The following TIAM1 variants were observed in gnomAD, a reference collection of about 807,000 sequenced individuals.
TIAM1 encodes the protein rho guanine nucleotide exchange factor TIAM1.
In TIAM1, 65 loss-of-function variants were observed where a neutral mutation model predicts 163.5. That is an observed-to-expected ratio of 0.40 (90% CI 0.33 to 0.49). The LOEUF (loss-of-function observed/expected upper bound fraction) is 0.49, where lower values mean the gene tolerates loss of function less well. Ranked by LOEUF, TIAM1 falls within the 20% of genes least tolerant of loss-of-function variation. TIAM1 has a pLI of 0.77. For missense variants in TIAM1, 1,789 were observed against 2,044.7 expected (o/e 0.87, Z 2.41); for synonymous variants, 833 against 810.1 (o/e 1.03, Z -0.48).
intron 2 of TIAM1, among the ~76,000 whole-genome samples, chr21:31,392,415 T>A (rs845685): frequency 1 from 152,028 of 152,028 alleles, 76,014 homozygotes; most frequent in Non-Finnish European, 1. Flanking sequence ...TACTAAAAAT[T>A]CAAAATTAGC....
intron 2 of TIAM1, among the ~76,000 whole-genome samples, chr21:31,292,027 G>A (rs1174554571): frequency 2.0e-5 from 3 of 152,218 alleles, no homozygotes; most frequent in Middle Eastern, 6.8e-3. Flanking sequence ...AGCGTGATTG[G>A]TAAATGTAAC....
intron 2 of TIAM1, among the ~76,000 whole-genome samples, chr21:31,391,180 T>A (rs1361610069): frequency 1.3e-5 from 2 of 152,126 alleles, no homozygotes; most frequent in Non-Finnish European, 2.9e-5. Flanking sequence ...CGCTGTTGTG[T>A]CCATAAAACC....
Position 31,251,947 on chromosome 21 carries a change from C to T in TIAM1, c.1206G>A (p.Glu402=), listed in dbSNP as rs542483125. 1 of 1,613,988 alleles carries T rather than the reference C, an allele frequency of 6.2e-7. No individual in the cohort carries two copies. Among genetic ancestry groups the T allele is most frequent in the South Asian group, 1.1e-5 (1 of 91,082 alleles). ...CATCGCTGTGCGCCGAGCCGGCCTCCTCCAGGCTCTCGCTGTTGGTGGTGC... is the reference window on the plus strand; with the variant it reads ...CATCGCTGTGCGCCGAGCCGGCCTCTTCCAGGCTCTCGCTGTTGGTGGTGC... The part of the protein sequence containing the change: ...EMSTTNSESL[E]EAGSAHSDEQ... Residue 402 remains glutamate, a synonymous_variant, in exon 5 of 28, where the codon GAG becomes GAA. Coordinates refer to ENST00000541036, the MANE Select transcript of TIAM1 (RefSeq NM_001353694.2).
In TIAM1 at chr21:31,438,179, C is replaced by CTTTTTTTT. The variant is rs34844399; in HGVS notation, c.-369+25796_-369+25803dup. Among the ~76,000 whole-genome samples the CTTTTTTTT allele has an allele frequency of 4.0e-4, 25 of 62,716 alleles. 2 individuals carry two copies. Among genetic ancestry groups the CTTTTTTTT allele is most frequent in the African/African-American group, 1.5e-3 (21 of 14,286 alleles). 41.1% of individuals were successfully genotyped at this position (62,716 alleles called of 152,430 possible). A position where few individuals can be genotyped will look rare whatever the true frequency, so the allele number is the denominator to read the frequency against. ...ACATATGTAATTGCGTATTTGTGAT[C>CTTTTTTTT]TTTTTTTTTTTTTTTTTTTTTTTTT... On this transcript the variant is annotated intron_variant, in intron 2 of 28. Transcript: ENST00000286827.
intron 6 of TIAM1, among the ~76,000 whole-genome samples, chr21:31,228,882 G>A (rs1461421446): frequency 2.0e-5 from 3 of 152,276 alleles, no homozygotes; most frequent in Middle Eastern, 3.4e-3. Flanking sequence ...TTCTTCTCAC[G>A]GTGGCAGCGA....
intron 1 of TIAM1, among the ~76,000 whole-genome samples, chr21:31,510,396 A>C (rs1320056442): frequency 6.6e-6 from 1 of 152,158 alleles, no homozygotes; most frequent in Non-Finnish European, 1.5e-5. Context: ...CCTCATTTGC[A>C]CTTCATCATC....
chr21:31,293,757 C>T (rs948770411), intron 2 of TIAM1, among the ~76,000 whole-genome samples: 1 of 152,206 alleles, frequency 6.6e-6, no homozygotes, highest in Non-Finnish European at 1.5e-5. Context: ...TATTTCAAGA[C>T]AATTGCAACC....
chr21:31,487,846 C>T (rs1293823811), intron 1 of TIAM1, among the ~76,000 whole-genome samples: 6 of 151,634 alleles, frequency 4.0e-5, no homozygotes, highest in East Asian at 3.9e-4. Context: ...CGTGAGCCAC[C>T]GCGCCCGGCC....
At chr21:31,367,051 A>C (rs2076515961) in intron 2 of TIAM1, among the ~76,000 whole-genome samples, 1 of 151,544 alleles carries the variant, frequency 6.6e-6, no homozygotes, top group South Asian at 2.1e-4. Flanking sequence ...GATGGGTCCC[A>C]GAAAATAGCT....
chr21:31,323,298 A>G (rs959164520), intron 2 of TIAM1, among the ~76,000 whole-genome samples: 13 of 152,128 alleles, frequency 8.5e-5, no homozygotes, highest in East Asian at 1.9e-4. Flanking sequence ...AAAAAAAAAA[A>G]AAAGAAAGAA....
chr21:31,235,548 G>A (rs982670142), intron 6 of TIAM1, among the ~76,000 whole-genome samples: 2 of 152,128 alleles, frequency 1.3e-5, no homozygotes, highest in African/African-American at 4.8e-5. Flanking sequence ...GTTAATGAGG[G>A]CAAATACAAG....
intron 2 of TIAM1, among the ~76,000 whole-genome samples, chr21:31,425,883 A>G (rs1036541772): frequency 6.6e-6 from 1 of 151,692 alleles, no homozygotes; most frequent in African/African-American, 2.4e-5. Flanking sequence ...CTTTTAATAG[A>G]GATAGGGTTT....
chr21:31,293,332 G>C (rs971843242), intron 2 of TIAM1, among the ~76,000 whole-genome samples: 2 of 152,086 alleles, frequency 1.3e-5, no homozygotes, highest in African/African-American at 4.8e-5. Context: ...GTTATGAAGG[G>C]TCATTTGCTT....
chr21:31,286,293 G>A (rs2073806190), intron 2 of TIAM1, among the ~76,000 whole-genome samples: 1 of 152,210 alleles, frequency 6.6e-6, no homozygotes, highest in African/African-American at 2.4e-5. Flanking sequence ...GGCACAGTGA[G>A]TGGCTCATGC....
At chr21:31,533,883 C>A (rs16988337) in intron 1 of TIAM1, among the ~76,000 whole-genome samples, 5,723 of 152,220 alleles carry the variant, frequency 0.038, 360 homozygotes, top group African/African-American at 0.13. Context: ...AGCTACAGAC[C>A]CTCTGATGGA....
chr21:31,457,637 C>T (rs919668596), intron 2 of TIAM1, among the ~76,000 whole-genome samples: 5 of 152,156 alleles, frequency 3.3e-5, no homozygotes, highest in African/African-American at 1.2e-4. Context: ...GAATAACATG[C>T]TATGTTTCAA....
chr21:31,557,969 G>A (rs903773752), intron 1 of TIAM1, among the ~76,000 whole-genome samples: 4 of 152,096 alleles, frequency 2.6e-5, no homozygotes, highest in Admixed American at 2.0e-4. Context: ...CGAAGGCGCC[G>A]AGACGGCATC....
chr21:31,222,049 G>A (rs988685120), intron 8 of TIAM1, among the ~76,000 whole-genome samples: 2 of 152,194 alleles, frequency 1.3e-5, no homozygotes, highest in Non-Finnish European at 1.5e-5. Flanking sequence ...AAATCAGGAT[G>A]CCAGTTTTAA....
At chr21:31,184,472 G>A (rs1212150408) in intron 14 of TIAM1, among the ~76,000 whole-genome samples, 1 of 152,138 alleles carries the variant, frequency 6.6e-6, no homozygotes, top group Admixed American at 6.5e-5. Context: ...TGTTGGGATC[G>A]TGTTTGTGGA....
Sources: gnomAD v4.1 joint callset for allele counts (sites outside exome capture counted in the v4.1 genomes callset) on GRCh38, gnomAD v4.1.1 for gene constraint, MANE v1.5 for transcripts, NCBI Gene and HGNC (gene_info 2026-07-23, HGNC 2026-07-21) for gene names.